The following EXOC6B variants were observed in gnomAD, a reference collection of about 807,000 sequenced individuals.
EXOC6B encodes SEC15 homolog B.
Under a neutral mutation model 113.5 loss-of-function variants are expected in EXOC6B, and 54 were observed. The ratio of observed to expected loss-of-function variants is 0.48; its 90% CI spans 0.38 to 0.60. The LOEUF is 0.60. Among genes scored for constraint, EXOC6B ranks in the 20% least tolerant of loss-of-function variants. EXOC6B has a pLI of 0.00. For missense variants in EXOC6B, 797 were observed against 977.5 expected (o/e 0.82, Z 2.46); for synonymous variants, 357 against 339.0 (o/e 1.05, Z -0.58).
chr2:72,452,248 G>A (rs1030034188), intron 18 of EXOC6B, among the ~76,000 whole-genome samples: 2 of 152,160 alleles, frequency 1.3e-5, no homozygotes, highest in East Asian at 3.8e-4. Flanking sequence ...AGTCATCTGA[G>A]TTGGAGGACA....
At chr2:72,660,207 A>T (rs1294071461) in intron 6 of EXOC6B, among the ~76,000 whole-genome samples, 1 of 152,108 alleles carries the variant, frequency 6.6e-6, no homozygotes, top group Non-Finnish European at 1.5e-5. Context: ...GGAAAAAAAA[A>T]AATAAAGCCA....
chr2:72,289,238 G>A (rs2104703471), intron 20 of EXOC6B: 1 of 158,336 alleles, frequency 6.3e-6, no homozygotes, highest in South Asian at 1.9e-4. Context: ...GCCTTTGAGG[G>A]ATGTCGGTAA....
rs999312465 is a variant in EXOC6B, at chr2:72,495,602, ATTAT to A, written c.1444-67_1444-64del. On this transcript the variant is annotated intron_variant, in intron 14 of 21. Coordinates refer to ENST00000272427, the MANE Select transcript of EXOC6B (RefSeq NM_015189.3). Reference sequence around the variant, plus strand: ...CAACGAAGATTGAAGATATTTATAAATTATTTAGGTTGCAAAAAGAACATTCTTT... The same window carrying A: ...CAACGAAGATTGAAGATATTTATAAATTAGGTTGCAAAAAGAACATTCTTT... 5.5e-5 allele frequency: 49 copies of A among 889,762 alleles called. No individual in the cohort carries two copies. In the South Asian group the frequency reaches 7.2e-4, roughly 13 times the overall value. 55.1% of individuals were successfully genotyped at this position (889,762 alleles called of 1,614,324 possible).
chr2:72,528,928 T>A (rs1701863905), intron 8 of EXOC6B, among the ~76,000 whole-genome samples: 1 of 152,148 alleles, frequency 6.6e-6, no homozygotes, highest in Non-Finnish European at 1.5e-5. Flanking sequence ...GGAAGTTTAC[T>A]TCTTAGTCCT....
intron 18 of EXOC6B, among the ~76,000 whole-genome samples, chr2:72,434,322 A>AT (rs933765568): frequency 2.0e-5 from 3 of 151,938 alleles, no homozygotes; most frequent in South Asian, 2.1e-4. Flanking sequence ...TTTATTGAGG[A>AT]TTTTTTGCAT....
intron 1 of EXOC6B, among the ~76,000 whole-genome samples, 165 bp from the exon 2 acceptor site, chr2:72,741,634 T>C (rs189914312): frequency 2.3e-3 from 357 of 152,338 alleles, no homozygotes; most frequent in African/African-American, 7.0e-3. Context: ...AAATCGAAAC[T>C]TTTGCTTTCT....
At chr2:72,564,657 T>C (rs1224358846) in intron 7 of EXOC6B, among the ~76,000 whole-genome samples, 1 of 152,176 alleles carries the variant, frequency 6.6e-6, no homozygotes, top group African/African-American at 2.4e-5. Context: ...CTATGTTGCT[T>C]CCCAAAATTC....
At chr2:72,664,506 G>A (rs1014108164) in intron 6 of EXOC6B, among the ~76,000 whole-genome samples, 7 of 152,176 alleles carry the variant, frequency 4.6e-5, no homozygotes, top group Non-Finnish European at 8.8e-5. Flanking sequence ...TAAATTAACA[G>A]GGGGATCTCC....
At chr2:72,373,908 G>A (rs931044641) in intron 19 of EXOC6B, among the ~76,000 whole-genome samples, 2 of 152,224 alleles carry the variant, frequency 1.3e-5, no homozygotes, top group East Asian at 3.9e-4. Context: ...TGGATCACGG[G>A]TCTGGAGTTC....
At chr2:72,585,055 T>C (rs1176960552) in intron 6 of EXOC6B, among the ~76,000 whole-genome samples, 1 of 151,906 alleles carries the variant, frequency 6.6e-6, no homozygotes, top group Non-Finnish European at 1.5e-5. Context: ...CCTAAAAAAG[T>C]TAGAAAGATC....
chr2:72,718,501 A>AAAGATTTTATCCAAAGAATGCAT (rs1679784600), intron 5 of EXOC6B, among the ~76,000 whole-genome samples, 194 bp from the exon 6 acceptor site: 1 of 152,244 alleles, frequency 6.6e-6, no homozygotes, highest in Non-Finnish European at 1.5e-5. Context: ...ATAATCAAAA[A>AAAGATTTTATCCAAAGAATGCAT]AAGATTTTAT....
chr2:72,438,866 G>C (rs1489226628), intron 18 of EXOC6B, among the ~76,000 whole-genome samples: 1 of 152,060 alleles, frequency 6.6e-6, no homozygotes, highest in Non-Finnish European at 1.5e-5. Flanking sequence ...AAATTGGCTA[G>C]GCTAGAATTT....
At chr2:72,381,510 C>T (rs564245636) in intron 18 of EXOC6B, among the ~76,000 whole-genome samples, 1 of 152,138 alleles carries the variant, frequency 6.6e-6, no homozygotes, top group African/African-American at 2.4e-5. Context: ...GGGCCAGGGT[C>T]TTCAATGAAT....
At chr2:72,209,433 G>C (rs1016271586) in intron 20 of EXOC6B, among the ~76,000 whole-genome samples, 1 of 151,778 alleles carries the variant, frequency 6.6e-6, no homozygotes, top group African/African-American at 2.4e-5. Flanking sequence ...AGGATGGCTC[G>C]AGCCCGGGAA....
intron 18 of EXOC6B, among the ~76,000 whole-genome samples, chr2:72,448,758 G>C (rs1347916243): frequency 6.6e-6 from 1 of 152,058 alleles, no homozygotes; most frequent in Non-Finnish European, 1.5e-5. Context: ...CCAAAACTAA[G>C]TTCTCTATAA....
chr2:72,823,264 T>A (rs979162099), intron 1 of EXOC6B, among the ~76,000 whole-genome samples: 1 of 151,432 alleles, frequency 6.6e-6, no homozygotes, highest in Non-Finnish European at 1.5e-5. Context: ...TTCTTTTTTT[T>A]ACAGTGTCCC....
At chr2:72,546,461 G>C (rs932141085) in intron 8 of EXOC6B, among the ~76,000 whole-genome samples, 2 of 152,078 alleles carry the variant, frequency 1.3e-5, no homozygotes, top group African/African-American at 4.8e-5. Flanking sequence ...GAGAGAGAGA[G>C]AGAGATTATG....
intron 20 of EXOC6B, among the ~76,000 whole-genome samples, chr2:72,274,407 CA>C (rs1319504398): frequency 1.3e-5 from 2 of 152,108 alleles, no homozygotes; most frequent in African/African-American, 4.8e-5. Context: ...TGGACAAATA[CA>C]AAGTATTTTG....
intron 1 of EXOC6B, among the ~76,000 whole-genome samples, chr2:72,757,921 G>A (rs1046944408): frequency 5.9e-5 from 9 of 152,074 alleles, no homozygotes; most frequent in African/African-American, 2.2e-4. Context: ...AGCACTTTGG[G>A]AGGCCGAGGC....
Sources: allele counts gnomAD v4.1 joint callset (sites outside exome capture counted in the v4.1 genomes callset), GRCh38; gene constraint gnomAD v4.1.1; transcripts MANE v1.5; gene names NCBI Gene and HGNC (gene_info 2026-07-23, HGNC 2026-07-21).